The following EPB41L4B variants were observed in gnomAD, a reference collection of about 807,000 sequenced individuals.
EPB41L4B encodes the protein erythrocyte membrane protein band 4.1 like 4B.
Under a neutral mutation model 112.5 loss-of-function variants are expected in EPB41L4B, and 30 were observed. The observed-to-expected ratio is 0.27, with a 90% CI of 0.20 to 0.36. EPB41L4B has a LOEUF of 0.36. Among genes scored for constraint, EPB41L4B ranks in the 10% least tolerant of loss-of-function variants. The probability of loss-of-function intolerance (pLI) is 1.00; values close to 1 mark genes in which losing one functional copy is unlikely to be tolerated. For missense variants in EPB41L4B, 1,024 were observed against 1,133.3 expected, an observed-to-expected ratio of 0.90 and a Z score of 1.38; for synonymous variants, 408 against 439.7, an observed-to-expected ratio of 0.93 and a Z score of 0.90.
rs190758174 is a variant in EPB41L4B, at chr9:109,177,465, G to T, written c.2488-769C>A. Among the ~76,000 whole-genome samples the T allele has an allele frequency of 7.2e-5, 11 of 152,250 alleles. No homozygotes were observed. The East Asian group carries it at 2.1e-3, about 29-fold the overall frequency. Reference sequence around the variant, plus strand: ...CATTTGGAGAGGATAATATATTCTTGTCATTTTCATTATATAGCAAACTAT... The same window carrying T: ...CATTTGGAGAGGATAATATATTCTTTTCATTTTCATTATATAGCAAACTAT... On this transcript the variant is annotated intron_variant, in intron 24 of 25. Coordinates refer to ENST00000374566, the MANE Select transcript of EPB41L4B (RefSeq NM_019114.5).
intron 15 of EPB41L4B, among the ~76,000 whole-genome samples, chr9:109,238,857 G>GATGTGAGTAA: frequency 1.3e-5 from 2 of 152,356 alleles, no homozygotes; most frequent in Middle Eastern, 6.8e-3. Context: ...GTGAGTAACA[G>GATGTGAGTAA]CAGGGTGTGG....
chr9:109,240,743 G>C (rs1834326012), intron 15 of EPB41L4B: 1 of 985,308 alleles, frequency 1.0e-6, no homozygotes, highest in South Asian at 4.7e-5. Flanking sequence ...AGCCATAAAT[G>C]ATCTTGATTG....
At position 109,174,598 on chromosome 9, in the gene EPB41L4B, C is replaced by G. The variant is rs1476947544; in HGVS notation, c.2659G>C (p.Glu887Gln). 6.2e-7 allele frequency: 1 copy of G among 1,614,000 alleles called. No homozygotes were observed. Among genetic ancestry groups the G allele is most frequent in the Non-Finnish European group, 8.5e-7 (1 of 1,179,996 alleles). ...AGTCTTTTCATCATCTTCTCTCTCTCCAGTTCCTGCCGGAGTGTCTCTGCA... is the reference window on the plus strand; with the variant it reads ...AGTCTTTTCATCATCTTCTCTCTCTGCAGTTCCTGCCGGAGTGTCTCTGCA... ...ASAETLRQEL[E>Q]REKMMKRLLM... is the part of the protein sequence containing the mutation. The change falls in exon 26 of 26, where the codon GAG becomes CAG. Residue 887 changes from glutamate (E) to glutamine (Q), a missense_variant. Transcript: ENST00000374566.
At chr9:109,265,576 C>A (rs1224667286) in intron 4 of EPB41L4B, among the ~76,000 whole-genome samples, 1 of 149,684 alleles carries the variant, frequency 6.7e-6, no homozygotes, top group Non-Finnish European at 1.5e-5. Context: ...ACACACGAAA[C>A]AAGAAAAATC....
chr9:109,276,236 C>T (rs1415060755), intron 2 of EPB41L4B, among the ~76,000 whole-genome samples: 2 of 147,930 alleles, frequency 1.4e-5, no homozygotes, highest in Non-Finnish European at 3.0e-5. Flanking sequence ...AGTCAAATGG[C>T]CACAGAAGGC....
chr9:109,174,415 A>T lies in EPB41L4B; in HGVS notation c.*139T>A, dbSNP rs182877418. On this transcript the variant is annotated 3_prime_UTR_variant, in exon 26 of 26. Transcript: ENST00000374566. The stretch of plus-strand genomic sequence containing the variant: ...CTTTTCCCATAAAAGTCAAGCCAGA[A>T]ATTGGCTTCAACTAACCATGGAGAC... 340 of 745,826 alleles carry T rather than the reference A, an allele frequency of 4.6e-4. No individual in the cohort carries two copies. Among genetic ancestry groups the T allele is most frequent in the Middle Eastern group, 3.5e-3 (14 of 4,034 alleles). The allele number at this position is 745,826 out of a possible 1,614,324, so 46.2% of individuals were successfully genotyped here.
chr9:109,308,173 G>C (rs1045462464), intron 1 of EPB41L4B, among the ~76,000 whole-genome samples: 2 of 152,002 alleles, frequency 1.3e-5, no homozygotes, highest in Non-Finnish European at 2.9e-5. Flanking sequence ...GGTTCATGGA[G>C]GGCCTCCCGA....
intron 1 of EPB41L4B, among the ~76,000 whole-genome samples, chr9:109,295,844 T>C (rs2119198127): frequency 1.3e-5 from 2 of 152,278 alleles, no homozygotes; most frequent in South Asian, 4.2e-4. Context: ...TCTGTTTTTT[T>C]TTCTTTTTTG....
intron 20 of EPB41L4B, among the ~76,000 whole-genome samples, chr9:109,199,660 T>C (rs945102168): frequency 6.6e-6 from 1 of 152,060 alleles, no homozygotes; most frequent in African/African-American, 2.4e-5. Flanking sequence ...GAGCAAGACT[T>C]TGTCTCAAAA....
intron 1 of EPB41L4B, among the ~76,000 whole-genome samples, chr9:109,285,474 A>C (rs1463026926): frequency 1.9e-4 from 29 of 152,238 alleles, no homozygotes. Context: ...TTTTAAATAT[A>C]TCTGTAACTG....
intron 18 of EPB41L4B, among the ~76,000 whole-genome samples, chr9:109,206,326 G>A (rs1367934777): frequency 1.3e-5 from 2 of 152,066 alleles, no homozygotes; most frequent in African/African-American, 2.4e-5. Context: ...AGGATTATAG[G>A]CATGCACCAC....
chr9:109,271,324 G>T (rs1373287729), intron 2 of EPB41L4B, among the ~76,000 whole-genome samples: 2 of 152,258 alleles, frequency 1.3e-5, no homozygotes, highest in Admixed American at 1.3e-4. Context: ...GGCTGGTGAA[G>T]CCGAGAATGG....
chr9:109,226,844 ATTTG>A (rs1415483535), intron 15 of EPB41L4B, among the ~76,000 whole-genome samples: 2 of 149,190 alleles, frequency 1.3e-5, no homozygotes, highest in Non-Finnish European at 3.0e-5. Context: ...ATATATATAT[ATTTG>A]TTTTTTACAG....
intron 1 of EPB41L4B, among the ~76,000 whole-genome samples, chr9:109,314,632 T>TCCCC (rs1445252022): frequency 8.3e-6 from 1 of 121,198 alleles, no homozygotes; most frequent in African/African-American, 4.4e-5. Flanking sequence ...TACCCCTCTC[T>TCCCC]CACCCCCCCC....
chr9:109,215,953 T>C (rs981267802), intron 16 of EPB41L4B, among the ~76,000 whole-genome samples: 2 of 152,262 alleles, frequency 1.3e-5, no homozygotes, highest in Admixed American at 6.5e-5. Flanking sequence ...GGCAAGACCC[T>C]GTCATAAAAT....
intron 22 of EPB41L4B, among the ~76,000 whole-genome samples, chr9:109,189,985 G>T (rs1158244042): frequency 6.6e-6 from 1 of 152,102 alleles, no homozygotes; most frequent in African/African-American, 2.4e-5. Context: ...GCCCAGGCTG[G>T]AATGCAGTGG....
chr9:109,211,835 C>A (rs1833189509), intron 17 of EPB41L4B, among the ~76,000 whole-genome samples: 1 of 150,816 alleles, frequency 6.6e-6, no homozygotes, highest in African/African-American at 2.4e-5. Context: ...TCTGCCTCAG[C>A]CTCCCTAGTA....
At chr9:109,241,633 G>A (rs1394629820) in intron 15 of EPB41L4B, 84 of 1,613,008 alleles carry the variant, frequency 5.2e-5, no homozygotes, top group Non-Finnish European at 6.6e-5. Flanking sequence ...AAACTATGAA[G>A]GTGAATGGAA....
chr9:109,230,270 T>A (rs932035756), intron 15 of EPB41L4B, among the ~76,000 whole-genome samples: 2 of 152,212 alleles, frequency 1.3e-5, no homozygotes, highest in Non-Finnish European at 2.9e-5. Flanking sequence ...AGAGCTGGGA[T>A]TTGAACCCAG....
Sources: allele counts gnomAD v4.1 joint callset (sites outside exome capture counted in the v4.1 genomes callset), GRCh38; gene constraint gnomAD v4.1.1; transcripts MANE v1.5; gene names NCBI Gene and HGNC (gene_info 2026-07-23, HGNC 2026-07-21).